STXBP4: variants seen among roughly 807,000 people sequenced by gnomAD.
The protein encoded by STXBP4 is syntaxin-binding protein 4.
In STXBP4, 55 loss-of-function variants were observed where a neutral mutation model predicts 76.1. That is an observed-to-expected ratio of 0.72 (90% CI 0.58 to 0.91). The LOEUF (loss-of-function observed/expected upper bound fraction) is 0.91, where lower values mean the gene tolerates loss of function less well. Among genes scored for constraint, STXBP4 ranks in the 40% least tolerant of loss-of-function variants. The probability of loss-of-function intolerance (pLI) is 0.00; values close to 1 mark genes in which losing one functional copy is unlikely to be tolerated. For missense variants in STXBP4, 618 were observed against 636.9 expected (o/e 0.97, Z 0.32); for synonymous variants, 201 against 220.2 (o/e 0.91, Z 0.77).
rs1027244795 is a variant in STXBP4, at chr17:55,037,035, A to G, written c.855+2776A>G. The stretch of plus-strand genomic sequence containing the variant: ...TAAGCAATCTCTTTTACTGCTAAGC[A>G]TGTTGCCCATTGCAATCACCCACAG... On this transcript the variant is annotated intron_variant, in intron 10 of 17. Coordinates refer to ENST00000376352, the MANE Select transcript of STXBP4 (RefSeq NM_178509.6). Among the ~76,000 whole-genome samples, 19 of 152,252 alleles carry G rather than the reference A, an allele frequency of 1.2e-4. No homozygotes were observed. In the East Asian group the frequency reaches 3.7e-3, roughly 29 times the overall value.
the STXBP4 span, among the ~76,000 whole-genome samples, chr17:55,192,679 A>G: frequency 3.3e-5 from 5 of 152,330 alleles, no homozygotes; most frequent in East Asian, 5.8e-4. Flanking sequence ...CACTTTGTAC[A>G]TGGATTACTC....
At position 55,021,105 on chromosome 17, in the gene STXBP4, T is replaced by G. The variant is rs150224437; in HGVS notation, c.667-10063T>G. The stretch of plus-strand genomic sequence containing the variant: ...ATGTCTGTAGGACTTTCTTCTTAGT[T>G]TACCATTTTACTGAAAGTGTTCACT... On this transcript the variant is annotated intron_variant, in intron 8 of 17. Coordinates refer to ENST00000376352, the MANE Select transcript of STXBP4 (RefSeq NM_178509.6). Among the ~76,000 whole-genome samples the G allele has an allele frequency of 3.2e-3, 481 of 152,276 alleles. 12 individuals carry two copies. The highest frequency in any genetic ancestry group is 0.025 in the East Asian group (131 of 5,176).
chr17:55,058,502 G>T (rs2078959486), intron 12 of STXBP4, among the ~76,000 whole-genome samples: 1 of 152,016 alleles, frequency 6.6e-6, no homozygotes, highest in Non-Finnish European at 1.5e-5. Context: ...GATGTAAAAG[G>T]GTTAAAAATA....
chr17:55,038,533 A>T (rs1397995737), intron 10 of STXBP4, among the ~76,000 whole-genome samples: 1 of 152,090 alleles, frequency 6.6e-6, no homozygotes, highest in Non-Finnish European at 1.5e-5. Flanking sequence ...TTGTTTGACA[A>T]CTTTTGGGTT....
the STXBP4 span, among the ~76,000 whole-genome samples, chr17:55,187,261 G>A: frequency 6.6e-6 from 1 of 152,158 alleles, no homozygotes; most frequent in East Asian, 1.9e-4. Context: ...TGTATATGCA[G>A]AAACCTTGCC....
rs754395762 is a variant in STXBP4, at chr17:55,159,799, A to G, written c.1550A>G (p.His517Arg). 4 of 1,600,352 alleles carry G rather than the reference A, an allele frequency of 2.5e-6. No homozygotes were observed. Among genetic ancestry groups the G allele is most frequent in the Non-Finnish European group, 8.6e-7 (1 of 1,168,192 alleles). Residue 517 changes from histidine to arginine, a missense_variant and splice_region_variant, in exon 18 of 18, where the codon CAT (histidine) becomes CGT (arginine). Transcript: ENST00000376352. ...ATTGCATTCTTGTTCTTCTCAAGTC[A>G]TGTAACACAGACTACATCCTGGATC... ...TADGIKYFIN[H>R]VTQTTSWIHP...
At chr17:55,138,661 A>C (rs1238662435) in intron 16 of STXBP4, among the ~76,000 whole-genome samples, 1 of 152,138 alleles carries the variant, frequency 6.6e-6, no homozygotes, top group Non-Finnish European at 1.5e-5. Context: ...GTATATTTCC[A>C]AGTATAAAGA....
Position 55,081,175 on chromosome 17 carries a change from A to G in STXBP4, c.1481A>G (p.Asp494Gly), listed in dbSNP as rs938645241. The G allele has an allele frequency of 6.8e-7, 1 of 1,479,384 alleles. No homozygotes were observed. The highest frequency in any genetic ancestry group is 8.9e-7 in the Non-Finnish European group (1 of 1,117,880). 91.6% of individuals were successfully genotyped at this position (1,479,384 alleles called of 1,614,324 possible). Residue 494 changes from aspartate to glycine, a missense_variant, in exon 16 of 18, where the codon GAT becomes GGT. Asp to Gly is a moderately conservative substitution (Grantham distance 94). Coordinates refer to ENST00000376352, the MANE Select transcript of STXBP4 (RefSeq NM_178509.6). ...ELVKSVRALL[D>G]MDCLPYGWEE... ...GTTAAATCTGTTCGTGCCTTACTTGATATGGATTGTAAGTTTTCTGCATTT... is the reference window on the plus strand; with the variant it reads ...GTTAAATCTGTTCGTGCCTTACTTGGTATGGATTGTAAGTTTTCTGCATTT...
rs924393103 is a variant in STXBP4 at position 55,165,782 on chromosome 17, C to T, written c.*5871C>T. 2.0e-5 allele frequency: 3 copies of T among 152,218 alleles called. No homozygotes were observed. The highest frequency in any genetic ancestry group is 4.4e-5 in the Non-Finnish European group (3 of 68,082). The allele number at this position is 152,218 out of a possible 1,614,324, so 9.4% of individuals were successfully genotyped here. A position where few individuals can be genotyped will look rare whatever the true frequency, so the allele number is the denominator to read the frequency against. ...CATCCTGGTGAATGGGATTAGGACCCTTATGAAAGAGGCTTCAGGGAACCT... is the reference window on the plus strand; with the variant it reads ...CATCCTGGTGAATGGGATTAGGACCTTTATGAAAGAGGCTTCAGGGAACCT... On this transcript the variant is annotated 3_prime_UTR_variant, in exon 18 of 18. Coordinates refer to ENST00000376352, the MANE Select transcript of STXBP4 (RefSeq NM_178509.6).
At chr17:55,111,985 A>G (rs766137201) in intron 16 of STXBP4, among the ~76,000 whole-genome samples, 1 of 152,142 alleles carries the variant, frequency 6.6e-6, no homozygotes, top group Non-Finnish European at 1.5e-5. Context: ...GCACAGTCAT[A>G]GCTCACTGCA....
rs552848528 is a variant in STXBP4, at chr17:55,161,125, C to G, written c.*1214C>G. 1 of 152,228 alleles carries G rather than the reference C, an allele frequency of 6.6e-6. No individual in the cohort carries two copies. The highest frequency in any genetic ancestry group is 6.5e-5 in the Admixed American group (1 of 15,286). 9.4% of individuals were successfully genotyped at this position (152,228 alleles called of 1,614,324 possible). A position where few individuals can be genotyped will look rare whatever the true frequency, so the allele number is the denominator to read the frequency against. The stretch of plus-strand genomic sequence containing the variant: ...AGTTGAGTAAACTGAGATCTTAAGT[C>G]TCCTAGTCTACTGAATTTCATATGG... On this transcript the variant is annotated 3_prime_UTR_variant, in exon 18 of 18. Coordinates refer to ENST00000376352, the MANE Select transcript of STXBP4 (RefSeq NM_178509.6).
At chr17:55,042,364 T>A (rs2144738285) in intron 10 of STXBP4, among the ~76,000 whole-genome samples, 1 of 152,226 alleles carries the variant, frequency 6.6e-6, no homozygotes, top group Admixed American at 6.5e-5. Context: ...TCTTTAGCAA[T>A]GCATCTGCAC....
intron 12 of STXBP4, among the ~76,000 whole-genome samples, chr17:55,062,777 T>C (rs58680464): frequency 0.038 from 5,819 of 152,296 alleles, 398 homozygotes; most frequent in African/African-American, 0.13. Context: ...CCTGACTTTT[T>C]AATGATCGCC....
intron 9 of STXBP4, 58 bp downstream of exon 9, chr17:55,031,322 G>A (rs1447340241): frequency 2.3e-6 from 3 of 1,323,948 alleles, no homozygotes; most frequent in African/African-American, 2.9e-5. Flanking sequence ...GAGTTATGGT[G>A]ACACATTTTC....
chr17:55,156,921 G>A (rs1047485293), intron 17 of STXBP4, among the ~76,000 whole-genome samples: 7 of 152,134 alleles, frequency 4.6e-5, no homozygotes, highest in South Asian at 2.1e-4. Flanking sequence ...GATATTCACC[G>A]TTCAGAGTCT....
the STXBP4 span, among the ~76,000 whole-genome samples, chr17:55,211,096 C>A: frequency 1.3e-5 from 2 of 151,906 alleles, no homozygotes; most frequent in African/African-American, 4.8e-5. Flanking sequence ...GTGAAATGCC[C>A]CCCCCCATGA....
At chr17:55,190,548 T>G in the STXBP4 span, among the ~76,000 whole-genome samples, 1 of 152,116 alleles carries the variant, frequency 6.6e-6, no homozygotes, top group Admixed American at 6.5e-5. Flanking sequence ...AAGTCTGTGA[T>G]CTCCCAAGGC....
At chr17:55,065,387 C>T (rs1360879930) in intron 12 of STXBP4, among the ~76,000 whole-genome samples, 2 of 151,996 alleles carry the variant, frequency 1.3e-5, no homozygotes, top group African/African-American at 4.8e-5. Flanking sequence ...ATTTTGATTC[C>T]AATTTAATTA....
At chr17:55,112,082 A>G (rs986065965) in intron 16 of STXBP4, among the ~76,000 whole-genome samples, 8 of 107,936 alleles carry the variant, frequency 7.4e-5, no homozygotes, top group Admixed American at 3.4e-4. Flanking sequence ...CACCCAGCTA[A>G]TTTTACTCTT....
Sources: gnomAD v4.1 joint callset for allele counts (sites outside exome capture counted in the v4.1 genomes callset) on GRCh38, gnomAD v4.1.1 for gene constraint, MANE v1.5 for transcripts, NCBI Gene and HGNC (gene_info 2026-07-23, HGNC 2026-07-21) for gene names.